HIVEP3: variants seen among roughly 807,000 people sequenced by gnomAD.
HIVEP3 encodes HIVEP zinc finger 3.
A neutral mutation model predicts 152.8 loss-of-function variants in HIVEP3; 49 were observed. The ratio of observed to expected loss-of-function variants is 0.32; its 90% CI spans 0.26 to 0.41. The LOEUF is 0.41. Ranked by LOEUF, HIVEP3 falls within the 10% of genes least tolerant of loss-of-function variation. The pLI is 1.00. For missense variants in HIVEP3, 2,790 were observed against 3,103.3 expected (o/e 0.90, Z 2.40); for synonymous variants, 1,269 against 1,289.0 (o/e 0.98, Z 0.33).
intron 1 of HIVEP3, among the ~76,000 whole-genome samples, chr1:41,842,962 A>G (rs1477100542): frequency 6.6e-6 from 1 of 152,174 alleles, no homozygotes; most frequent in Non-Finnish European, 1.5e-5. Context: ...GTGGAGAAAG[A>G]TTTTTGTTTC....
intron 2 of HIVEP3, among the ~76,000 whole-genome samples, chr1:41,659,956 G>C (rs1168114972): frequency 6.6e-6 from 1 of 152,240 alleles, no homozygotes. Context: ...ATGAATGTGT[G>C]TGTGTGAGAG....
intron 1 of HIVEP3, among the ~76,000 whole-genome samples, chr1:42,016,319 G>A (rs886303564): frequency 6.6e-6 from 1 of 152,100 alleles, no homozygotes. Context: ...GGACAGACAG[G>A]CAGTAAGGAC....
chr1:41,634,578 GA>G (rs566543540), intron 2 of HIVEP3, among the ~76,000 whole-genome samples: 2 of 149,764 alleles, frequency 1.3e-5, no homozygotes, highest in African/African-American at 4.9e-5. Context: ...TGGATAAAAG[GA>G]AAAAAAAATC....
chr1:41,548,081 G>A (rs1025959205), intron 5 of HIVEP3, among the ~76,000 whole-genome samples: 8 of 152,130 alleles, frequency 5.3e-5, no homozygotes, highest in African/African-American at 1.7e-4. Flanking sequence ...ACCTCAGCTC[G>A]AATGCCAGGT....
intron 5 of HIVEP3, among the ~76,000 whole-genome samples, chr1:41,537,900 C>T (rs763169893): frequency 6.6e-5 from 10 of 152,216 alleles, no homozygotes; most frequent in Non-Finnish European, 1.5e-4. Flanking sequence ...TAAACAGCGA[C>T]GTGAGCTGCA....
chr1:41,855,963 G>A (rs1474473403), intron 1 of HIVEP3, among the ~76,000 whole-genome samples: 1 of 152,166 alleles, frequency 6.6e-6, no homozygotes, highest in Non-Finnish European at 1.5e-5. Flanking sequence ...TCAGCTCACT[G>A]CAACCTTTGC....
At chr1:41,875,829 A>G (rs1644161055) in intron 1 of HIVEP3, among the ~76,000 whole-genome samples, 1 of 152,150 alleles carries the variant, frequency 6.6e-6, no homozygotes, top group African/African-American at 2.4e-5. Context: ...TTTATTCTCT[A>G]TCCCTGGACT....
chr1:41,588,583 CAGGGCCAGCACTG>C (rs1421744711), intron 3 of HIVEP3, among the ~76,000 whole-genome samples: 5 of 152,076 alleles, frequency 3.3e-5, no homozygotes, highest in Non-Finnish European at 7.4e-5. Context: ...CAGATGACTA[CAGGGCCAGCACTG>C]CCTGCCCAGG....
intron 3 of HIVEP3, among the ~76,000 whole-genome samples, chr1:41,587,442 A>G (rs2149112219): frequency 6.6e-6 from 1 of 152,360 alleles, no homozygotes; most frequent in Non-Finnish European, 1.5e-5. Flanking sequence ...CCAAACTGGG[A>G]CACTTGGAGA....
intron 5 of HIVEP3, among the ~76,000 whole-genome samples, chr1:41,529,434 C>A (rs1643162387): frequency 7.6e-6 from 1 of 132,282 alleles, no homozygotes; most frequent in Non-Finnish European, 1.6e-5. Context: ...CACCCTCACA[C>A]ATGCTCACAC....
At chr1:41,564,900 C>T (rs1050342957) in intron 5 of HIVEP3, among the ~76,000 whole-genome samples, 2 of 152,080 alleles carry the variant, frequency 1.3e-5, no homozygotes, top group African/African-American at 2.4e-5. Context: ...GGAGGGAGCT[C>T]GCTGGATGAG....
chr1:41,561,679 A>ATT (rs56969476), intron 5 of HIVEP3, among the ~76,000 whole-genome samples: 40,638 of 126,886 alleles, frequency 0.32, 6,988 homozygotes, highest in Non-Finnish European at 0.41. Flanking sequence ...TGCCCAGCTA[A>ATT]TTTTTTTTTT....
At position 41,931,573 on chromosome 1, in the gene HIVEP3, G is replaced by A. The variant is rs188740343; in HGVS notation, n.120-13049C>T. ...TGCTTTTTCAGATTTGTTTTCATGG[G>A]GACAAACTGACATCTTCCAATCCAT... On this transcript the variant is annotated intron_variant and non_coding_transcript_variant, in intron 1 of 3. Transcript: ENST00000489103. 3.3e-5 allele frequency among the ~76,000 whole-genome samples: 5 copies of A among 151,852 alleles called. No homozygotes were observed. The East Asian group carries it at 9.7e-4, about 29-fold the overall frequency.
rs1382819755 is a variant in HIVEP3, at chr1:41,873,436, A to C, written c.-801+44977T>G. On this transcript the variant is annotated intron_variant, in intron 1 of 8. Transcript: ENST00000372583. This position sits in a 1 kb window ranked among gnomAD's most constrained non-coding sequence, Gnocchi z 4.2. ...TGTTCTCAGCTTTGGGCCTCAGCTA[A>C]GGCCAGGACAAGCATCATTTAATGT... Among the ~76,000 whole-genome samples, 1 of 152,214 alleles carries C rather than the reference A, an allele frequency of 6.6e-6. No individual in the cohort carries two copies. Among genetic ancestry groups the C allele is most frequent in the African/African-American group, 2.4e-5 (1 of 41,444 alleles).
At chr1:41,630,995 G>T (rs938451155) in intron 2 of HIVEP3, among the ~76,000 whole-genome samples, 11 of 152,216 alleles carry the variant, frequency 7.2e-5, no homozygotes, top group African/African-American at 2.7e-4. Flanking sequence ...GCTCAACAGT[G>T]ATTCCTGAAT....
chr1:41,544,602 ACCACCATCACCG>A lies in HIVEP3; in HGVS notation c.5208-19704_5208-19693del, dbSNP rs1211925465. On this transcript the variant is annotated intron_variant, in intron 5 of 8. Transcript: ENST00000372583. The stretch of plus-strand genomic sequence containing the variant: ...CTCTACCACCATCACTACCATCACC[ACCACCATCACCG>A]CCACCACTATCATCGCTACTACCAT... Among the ~76,000 whole-genome samples the A allele has an allele frequency of 2.6e-3, 396 of 151,048 alleles. 2 individuals are homozygous for A. Among genetic ancestry groups the A allele is most frequent in the African/African-American group, 8.6e-3 (354 of 40,954 alleles).
intron 1 of HIVEP3, among the ~76,000 whole-genome samples, chr1:41,886,594 C>T (rs1157375420): frequency 6.6e-6 from 1 of 151,432 alleles, no homozygotes; most frequent in African/African-American, 2.4e-5. Flanking sequence ...TGCCTGTAAT[C>T]CTAGCTACTC....
chr1:41,761,297 AGT>A (rs367948094), intron 1 of HIVEP3, among the ~76,000 whole-genome samples: 1 of 151,200 alleles, frequency 6.6e-6, no homozygotes, highest in Non-Finnish European at 1.5e-5. Flanking sequence ...CACCTACGTG[AGT>A]GTGTGAGTGT....
chr1:41,802,094 G>T (rs931400089), intron 1 of HIVEP3, among the ~76,000 whole-genome samples: 1 of 152,212 alleles, frequency 6.6e-6, no homozygotes, highest in African/African-American at 2.4e-5. Context: ...TGCTGGACTG[G>T]TATCATGTCC....
Sources: gnomAD v4.1 joint callset for allele counts (sites outside exome capture counted in the v4.1 genomes callset) on GRCh38, gnomAD v4.1.1 for gene constraint, Gnocchi (gnomAD v3.1) non-coding constraint, MANE v1.5 for transcripts, NCBI Gene and HGNC (gene_info 2026-07-23, HGNC 2026-07-21) for gene names.